RARG: variants seen among roughly 807,000 people sequenced by gnomAD.
RARG encodes the protein retinoic acid receptor gamma.
A neutral mutation model predicts 43.7 loss-of-function variants in RARG; 17 were observed. The observed-to-expected ratio is 0.39, with a 90% CI of 0.27 to 0.58. RARG has a LOEUF of 0.58. RARG is among the 20% of genes least tolerant of loss of function. The pLI, the probability that RARG is intolerant of heterozygous loss-of-function variation, is 0.57. For missense variants in RARG, 346 were observed against 598.7 expected (o/e 0.58, Z 4.40); for synonymous variants, 238 against 236.4 (o/e 1.01, Z -0.06).
At chr12:53,224,058 T>G (rs894706694) in intron 3 of RARG, among the ~76,000 whole-genome samples, 17 of 152,034 alleles carry the variant, frequency 1.1e-4, no homozygotes, top group African/African-American at 3.1e-4. Context: ...TTCACAAACA[T>G]AGAGATACAT....
At chr12:53,217,624 T>C (rs910574868) in intron 3 of RARG, among the ~76,000 whole-genome samples, 1 of 152,172 alleles carries the variant, frequency 6.6e-6, no homozygotes, top group Non-Finnish European at 1.5e-5. Context: ...CCGAGGTCAA[T>C]CTGTGAGGTC....
Position 53,211,900 on chromosome 12 carries a change from C to T in RARG, c.1178-37G>A, listed in dbSNP as rs1942599466. ...AGAGAAAGAGAGAGGCTCAGGAGGA[C>T]AGAGGCACATGGCCCTTAAGGCCAT... On this transcript the variant is annotated intron_variant, in intron 9 of 9. Transcript: ENST00000425354. This position sits in a 1 kb window ranked among gnomAD's most constrained non-coding sequence, Gnocchi z 4.6. 7.3e-7 allele frequency: 1 copy of T among 1,366,862 alleles called. No homozygotes were observed. The highest frequency in any genetic ancestry group is 1.5e-5 in the African/African-American group (1 of 65,996). 84.7% of individuals were successfully genotyped at this position (1,366,862 alleles called of 1,614,324 possible). A position where few individuals can be genotyped will look rare whatever the true frequency, so the allele number is the denominator to read the frequency against.
chr12:53,230,819 G>A (rs1030953867), intron 2 of RARG, among the ~76,000 whole-genome samples: 7 of 151,112 alleles, frequency 4.6e-5, no homozygotes, highest in African/African-American at 1.7e-4. Context: ...CTGCCTACTA[G>A]GCTGTAGGCC....
At chr12:53,226,190 G>A (rs1355511628) in intron 3 of RARG, among the ~76,000 whole-genome samples, 1 of 151,220 alleles carries the variant, frequency 6.6e-6, no homozygotes, top group African/African-American at 2.4e-5. Context: ...GTGCAGTGGC[G>A]CGATCTTGGC....
Position 53,211,520 on chromosome 12 carries a change from G to A in RARG, c.*156C>T, listed in dbSNP as rs1284108878. ...TTAGATCAGGAAGGGGATGAACACA[G>A]AGGCACCCCTAGAAACTTTGGCAAA... On this transcript the variant is annotated 3_prime_UTR_variant, in exon 10 of 10. Coordinates refer to ENST00000425354, the MANE Select transcript of RARG (RefSeq NM_000966.6). The surrounding 1 kb of genome is among the most constrained non-coding windows in gnomAD (Gnocchi z 4.6). 1 of 662,100 alleles carries A rather than the reference G, an allele frequency of 1.5e-6. No homozygotes were observed. Among genetic ancestry groups the A allele is most frequent in the Non-Finnish European group, 2.3e-6 (1 of 436,212 alleles). 41.0% of individuals were successfully genotyped at this position (662,100 alleles called of 1,614,324 possible).
chr12:53,214,876 G>C, intron 5 of RARG: 2 of 444,472 alleles, frequency 4.5e-6, no homozygotes, highest in Non-Finnish European at 8.0e-6. Flanking sequence ...AGCTGGGGGA[G>C]GGGGGGCAGG....
Position 53,232,116 on chromosome 12 carries a change from G to A in RARG, c.-352C>T. The A allele has an allele frequency of 2.5e-6, 1 of 398,664 alleles. No individual in the cohort carries two copies. The highest frequency in any genetic ancestry group is 4.4e-6 in the Non-Finnish European group (1 of 226,088). The allele number at this position is 398,664 out of a possible 1,614,324, so 24.7% of individuals were successfully genotyped here. On this transcript the variant is annotated 5_prime_UTR_variant, in exon 1 of 10. Coordinates refer to ENST00000425354, the MANE Select transcript of RARG (RefSeq NM_000966.6). ...ACGGCTCTAGGCTGGGACTGTCCCG[G>A]GGCCTCTCGGAGCCCGCCCGCCCAC... is the stretch of plus-strand genomic sequence containing the variant.
chr12:53,220,901 C>A (rs948190179), intron 3 of RARG, among the ~76,000 whole-genome samples: 1 of 152,146 alleles, frequency 6.6e-6, no homozygotes, highest in Non-Finnish European at 1.5e-5. Context: ...ACTACCTCCA[C>A]CCCTCTCATT....
chr12:53,223,773 GTCTC>G (rs915155361), intron 3 of RARG, among the ~76,000 whole-genome samples: 1 of 152,196 alleles, frequency 6.6e-6, no homozygotes, highest in Non-Finnish European at 1.5e-5. Context: ...TTGTCTGTGA[GTCTC>G]TCTTTTTCAG....
rs770432568 is a variant in RARG, at chr12:53,215,314, C to T, written c.454G>A (p.Glu152Lys). ...CQYCRLQKCF[E>K]VGMSKEAVRN... ...CTACCTTCCTTGGACATGCCCACTTCGAAGCACTTCTGTAGCCGGCAGTAC... is the reference window on the plus strand; with the variant it reads ...CTACCTTCCTTGGACATGCCCACTTTGAAGCACTTCTGTAGCCGGCAGTAC... Residue 152 changes from glutamate (E) to lysine (K), a missense_variant, in exon 5 of 10, where the codon GAA becomes AAA. Glu to Lys is a moderately conservative substitution (Grantham distance 56). Coordinates refer to ENST00000425354, the MANE Select transcript of RARG (RefSeq NM_000966.6). The surrounding 1 kb of genome is among the most constrained non-coding windows in gnomAD (Gnocchi z 6.4). 23 of 1,613,932 alleles carry T rather than the reference C, an allele frequency of 1.4e-5. No individual in the cohort carries two copies. The highest frequency in any genetic ancestry group is 4.4e-5 in the South Asian group (4 of 91,076).
intron 3 of RARG, among the ~76,000 whole-genome samples, chr12:53,226,175 C>A (rs550361949): frequency 6.6e-6 from 1 of 152,318 alleles, no homozygotes; most frequent in Admixed American, 6.5e-5. Flanking sequence ...GTCGCCCAGG[C>A]TAGAGTGCAG....
At position 53,211,920 on chromosome 12, in the gene RARG, G is replaced by C. The variant is rs971145746; in HGVS notation, c.1178-57C>G. On this transcript the variant is annotated intron_variant, in intron 9 of 9. Transcript: ENST00000425354. The surrounding 1 kb of genome is among the most constrained non-coding windows in gnomAD (Gnocchi z 4.6). Reference sequence around the variant, plus strand: ...GAGGACAGAGGCACATGGCCCTTAAGGCCATCTCCCTAACCTTTCTCAACT... The same window carrying C: ...GAGGACAGAGGCACATGGCCCTTAACGCCATCTCCCTAACCTTTCTCAACT... 5 of 1,316,002 alleles carry C rather than the reference G, an allele frequency of 3.8e-6. No homozygotes were observed. The African/African-American group carries it at 6.2e-5, about 16-fold the overall frequency. The allele number at this position is 1,316,002 out of a possible 1,614,324, so 81.5% of individuals were successfully genotyped here.
chr12:53,223,529 C>CG (rs1357540981), intron 3 of RARG, among the ~76,000 whole-genome samples: 1 of 149,236 alleles, frequency 6.7e-6, no homozygotes, highest in African/African-American at 2.5e-5. Flanking sequence ...CCCCGCCCCC[C>CG]CCCCGCCCAA....
chr12:53,230,357 C>T (rs1448700417), intron 2 of RARG, among the ~76,000 whole-genome samples: 1 of 151,910 alleles, frequency 6.6e-6, no homozygotes, highest in Non-Finnish European at 1.5e-5. Context: ...GTTTCCCTGT[C>T]GCCCTGCCCG....
chr12:53,212,731 TATATATACAC>T (rs1365020021), intron 9 of RARG, among the ~76,000 whole-genome samples: 28 of 125,558 alleles, frequency 2.2e-4, no homozygotes, highest in African/African-American at 9.0e-4. Flanking sequence ...TCTCTAAATA[TATATATACAC>T]ACACACACAC....
chr12:53,220,102 G>A, intron 3 of RARG: 1 of 1,550,236 alleles, frequency 6.5e-7, no homozygotes, highest in Non-Finnish European at 8.7e-7. Flanking sequence ...GTCGTACATC[G>A]CGACCCGGCT....
Position 53,227,474 on chromosome 12 carries a change from A to G in RARG, c.72T>C (p.Gly24=). The G allele has an allele frequency of 1.2e-6, 2 of 1,609,394 alleles. No individual in the cohort carries two copies. Among genetic ancestry groups the G allele is most frequent in the African/African-American group, 1.3e-5 (1 of 74,846 alleles). ...LGPGSGYPGA[G]FPFAFPGALR... is the part of the protein sequence containing the mutation. ...GTGCCCCTGGGAAGGCGAAGGGGAA[A>G]CCTGCCCCTGGGTAGCCAGATCCAG... The change falls in exon 3 of 10, where the codon GGT becomes GGC. Residue 24 remains glycine (G), a synonymous_variant. Transcript: ENST00000425354. The surrounding 1 kb of genome is among the most constrained non-coding windows in gnomAD (Gnocchi z 4.3).
At chr12:53,225,361 GGAATTCTGTACATGAGCA>G (rs1344136235) in intron 3 of RARG, among the ~76,000 whole-genome samples, 1 of 152,156 alleles carries the variant, frequency 6.6e-6, no homozygotes, top group Non-Finnish European at 1.5e-5. Flanking sequence ...TGCACACACT[GGAATTCTGTACATGAGCA>G]GAGGCCCAGG....
At chr12:53,225,333 C>T (rs954348204) in intron 3 of RARG, among the ~76,000 whole-genome samples, 2 of 152,234 alleles carry the variant, frequency 1.3e-5, no homozygotes, top group Non-Finnish European at 2.9e-5. Context: ...CTCCTCACTC[C>T]TCACACTGAC....
Sources: allele counts gnomAD v4.1 joint callset (sites outside exome capture counted in the v4.1 genomes callset), GRCh38; gene constraint gnomAD v4.1.1; non-coding constraint Gnocchi (gnomAD v3.1); transcripts MANE v1.5; gene names NCBI Gene and HGNC (gene_info 2026-07-23, HGNC 2026-07-21).